The following BAZ2B variants were observed in gnomAD, a reference collection of about 807,000 sequenced individuals.
BAZ2B encodes the protein bromodomain adjacent to zinc finger domain protein 2B.
Under a neutral mutation model 246.0 loss-of-function variants are expected in BAZ2B, and 91 were observed. That is an observed-to-expected ratio of 0.37 (90% CI 0.31 to 0.44). The LOEUF (loss-of-function observed/expected upper bound fraction) is 0.44, where lower values mean the gene tolerates loss of function less well. BAZ2B is among the 20% of genes least tolerant of loss of function. BAZ2B has a pLI of 1.00. For synonymous variants in BAZ2B, 855 were observed against 860.0 expected (o/e 0.99, Z 0.10); for missense variants, 2,332 against 2,533.7 (o/e 0.92, Z 1.71).
chr2:159,409,965 A>G (rs912537297), intron 14 of BAZ2B, among the ~76,000 whole-genome samples: 2 of 152,240 alleles, frequency 1.3e-5, no homozygotes, highest in Admixed American at 1.3e-4. Flanking sequence ...GTAAAAGTTG[A>G]ATAATTAACT....
At chr2:159,476,397 A>G (rs1222028363) in intron 3 of BAZ2B, among the ~76,000 whole-genome samples, 1 of 152,188 alleles carries the variant, frequency 6.6e-6, no homozygotes, top group Admixed American at 6.5e-5. Context: ...TAAATACTCT[A>G]TACTCTTTTT....
intron 27 of BAZ2B, among the ~76,000 whole-genome samples, chr2:159,360,151 A>G (rs2059529848): frequency 6.6e-6 from 1 of 152,244 alleles, no homozygotes; most frequent in African/African-American, 2.4e-5. Flanking sequence ...AAATAGGAAG[A>G]GAGGAAGTCA....
At chr2:159,415,070 A>AT (rs1016693319) in intron 13 of BAZ2B, among the ~76,000 whole-genome samples, 2 of 152,084 alleles carry the variant, frequency 1.3e-5, no homozygotes, top group Admixed American at 1.3e-4. Flanking sequence ...TACAAGGTCT[A>AT]TATTATCAGT....
At chr2:159,547,708 A>G (rs1228610766) in intron 2 of BAZ2B, among the ~76,000 whole-genome samples, 1 of 152,190 alleles carries the variant, frequency 6.6e-6, no homozygotes. Flanking sequence ...AAAACATCAA[A>G]CCACAGCAGA....
At chr2:159,392,789 T>TAA (rs1372668056) in intron 20 of BAZ2B, among the ~76,000 whole-genome samples, 3 of 152,180 alleles carry the variant, frequency 2.0e-5, no homozygotes, top group Non-Finnish European at 4.4e-5. Context: ...TGACACAAAC[T>TAA]AAAATTAAGG....
Position 159,547,353 on chromosome 2 carries a change from T to C in BAZ2B, c.-3+8470A>G, listed in dbSNP as rs191685178. Among the ~76,000 whole-genome samples the C allele has an allele frequency of 1.3e-4, 20 of 152,278 alleles. No homozygotes were observed. In the East Asian group the frequency reaches 3.3e-3, roughly 25 times the overall value. ...TTTAACATTCATGACTCGCAAACTT[T>C]TGATGCTATACAACAAAAAAAATTT... On this transcript the variant is annotated intron_variant, in intron 2 of 36. Transcript: ENST00000392783.
chr2:159,339,479 C>A (rs2066259109), intron 31 of BAZ2B, among the ~76,000 whole-genome samples: 1 of 152,108 alleles, frequency 6.6e-6, no homozygotes, highest in African/African-American at 2.4e-5. Context: ...AGATAGACAA[C>A]CAACTTATCC....
intron 25 of BAZ2B, among the ~76,000 whole-genome samples, chr2:159,381,411 T>A (rs2061984183): frequency 6.6e-6 from 1 of 152,160 alleles, no homozygotes. Context: ...TTTTAGTTAA[T>A]GGCAACAATA....
intron 1 of BAZ2B, among the ~76,000 whole-genome samples, chr2:159,596,785 G>A (rs114744361): frequency 0.06 from 9,130 of 152,270 alleles, 325 homozygotes; most frequent in East Asian, 0.14. Flanking sequence ...AACATACGAT[G>A]TTTGGTTTCC....
intron 1 of BAZ2B, among the ~76,000 whole-genome samples, chr2:159,603,683 C>T (rs1172417664): frequency 6.7e-6 from 1 of 149,670 alleles, no homozygotes; most frequent in African/African-American, 2.5e-5. Flanking sequence ...AAAAAAAAAA[C>T]AAAACCCCAA....
At chr2:159,339,887 A>G (rs142482374) in intron 31 of BAZ2B, among the ~76,000 whole-genome samples, 123 of 152,288 alleles carry the variant, frequency 8.1e-4, no homozygotes, top group Non-Finnish European at 1.4e-3. Context: ...TCTAGAATGT[A>G]GAGAGTAGAT....
chr2:159,681,895 T>A, the BAZ2B span, among the ~76,000 whole-genome samples: 2 of 152,094 alleles, frequency 1.3e-5, no homozygotes, highest in African/African-American at 2.4e-5. Flanking sequence ...ACTGCACTCC[T>A]GCCTGGGCAA....
intron 3 of BAZ2B, among the ~76,000 whole-genome samples, chr2:159,455,812 A>G (rs1011134211): frequency 4.3e-4 from 46 of 106,374 alleles, no homozygotes; most frequent in African/African-American, 1.3e-3. Flanking sequence ...AAACCCAGCT[A>G]GTTTCTCAAA....
chr2:159,572,725 A>C lies in BAZ2B; in HGVS notation c.-45-16860T>G, dbSNP rs184791292. The stretch of plus-strand genomic sequence containing the variant: ...GATAGTGCTTGCTTTTATATTTTAC[A>C]ATTATTTTAACATAAGTACATGCTT... On this transcript the variant is annotated intron_variant, in intron 1 of 36. Coordinates refer to ENST00000392783, the MANE Select transcript of BAZ2B (RefSeq NM_013450.4). Among the ~76,000 whole-genome samples, 26 of 152,282 alleles carry C rather than the reference A, an allele frequency of 1.7e-4. No homozygotes were observed. The East Asian group carries it at 4.8e-3, about 28-fold the overall frequency.
rs1208870286 is a variant in BAZ2B at position 159,432,973 on chromosome 2, G to A, written c.1684C>T (p.Gln562Ter). 1 of 1,613,974 alleles carries A rather than the reference G, an allele frequency of 6.2e-7. No homozygotes were observed. Among genetic ancestry groups the A allele is most frequent in the African/African-American group, 1.3e-5 (1 of 74,896 alleles). ...TTGCTAACTGCTTTTTCCTTCCCTT[G>A]ACTATGCAGGATGGGAGAGGCAGAG... is the stretch of plus-strand genomic sequence containing the variant. Reference protein sequence around the residue: ...MPSASPILHSQGKEKAVSNNV... With the variant: ...MPSASPILHS Residue 562 changes from glutamine (Q) to a stop codon, truncating the protein, a stop_gained, in exon 9 of 37, where the codon CAA (glutamine) becomes TAA (stop). Coordinates refer to ENST00000392783, the MANE Select transcript of BAZ2B (RefSeq NM_013450.4). LOFTEE classifies it high-confidence loss of function.
chr2:159,428,915 A>ACTC (rs1438248307), intron 11 of BAZ2B, among the ~76,000 whole-genome samples: 1 of 151,962 alleles, frequency 6.6e-6, no homozygotes, highest in Middle Eastern at 3.2e-3. Flanking sequence ...AGTCTCATGT[A>ACTC]CTCCTGCCCT....
intron 3 of BAZ2B, chr2:159,463,774 C>T (rs1029167123): frequency 5.3e-5 from 8 of 152,024 alleles, no homozygotes; most frequent in African/African-American, 7.2e-5. Context: ...GTGCGATCTC[C>T]GCTCACTGCA....
At chr2:159,398,761 C>T (rs543025539) in intron 18 of BAZ2B, 68 bp downstream of exon 18, 2 of 1,396,018 alleles carry the variant, frequency 1.4e-6, no homozygotes, top group East Asian at 2.3e-5. Context: ...TTTCATATAA[C>T]TGATGCCAGT....
At chr2:159,520,083 T>A (rs943278734) in intron 2 of BAZ2B, among the ~76,000 whole-genome samples, 1 of 152,144 alleles carries the variant, frequency 6.6e-6, no homozygotes, top group Non-Finnish European at 1.5e-5. Context: ...AAAGGAAATG[T>A]CCTATCTCTT....
Sources: allele counts gnomAD v4.1 joint callset (sites outside exome capture counted in the v4.1 genomes callset), GRCh38; gene constraint gnomAD v4.1.1; transcripts MANE v1.5; gene names NCBI Gene and HGNC (gene_info 2026-07-23, HGNC 2026-07-21).